KCND2: variants seen among roughly 807,000 people sequenced by gnomAD.
The protein encoded by KCND2 is potassium voltage-gated channel subfamily D member 2, also known as A-type voltage-gated potassium channel KCND2.
In KCND2, 16 loss-of-function variants were observed where a neutral mutation model predicts 54.4. The ratio of observed to expected loss-of-function variants is 0.29; its 90% CI spans 0.20 to 0.45. KCND2 has a LOEUF of 0.45. KCND2 is among the 20% of genes least tolerant of loss of function. The pLI is 1.00. For missense variants in KCND2, 486 were observed against 824.2 expected (o/e 0.59, Z 5.02); for synonymous variants, 317 against 310.7 (o/e 1.02, Z -0.21).
intron 1 of KCND2, among the ~76,000 whole-genome samples, chr7:120,552,950 C>T (rs1792120074): frequency 6.6e-6 from 1 of 152,168 alleles, no homozygotes. Context: ...TCAACATGCA[C>T]AATGCGATGT....
chr7:120,542,153 C>T (rs557235584), intron 1 of KCND2, among the ~76,000 whole-genome samples: 16 of 152,188 alleles, frequency 1.1e-4, no homozygotes, highest in South Asian at 8.3e-4. Flanking sequence ...AGTTTAAAGG[C>T]AATAAAATTA....
At chr7:120,388,040 T>C (rs1184773353) in intron 1 of KCND2, among the ~76,000 whole-genome samples, 2 of 152,074 alleles carry the variant, frequency 1.3e-5, no homozygotes, top group Non-Finnish European at 2.9e-5. Context: ...TTTAAAGTTC[T>C]GATAGAATAA....
intron 1 of KCND2, among the ~76,000 whole-genome samples, chr7:120,420,402 C>A (rs555046253): frequency 6.6e-5 from 10 of 152,160 alleles, no homozygotes; most frequent in African/African-American, 2.4e-5. Flanking sequence ...AGGTGCTCAA[C>A]AATTATTTGC....
chr7:120,690,594 C>T (rs1246416011), intron 1 of KCND2, among the ~76,000 whole-genome samples: 1 of 152,102 alleles, frequency 6.6e-6, no homozygotes, highest in African/African-American at 2.4e-5. Context: ...GGGCAGGACA[C>T]TGGAACAGAT....
rs569533132 is a variant in KCND2 at position 120,746,235 on chromosome 7, A to C, written c.1715+208A>C. Among the ~76,000 whole-genome samples, 7 of 152,318 alleles carry C rather than the reference A, an allele frequency of 4.6e-5. No individual in the cohort carries two copies. In the South Asian group the frequency reaches 1.2e-3, roughly 27 times the overall value. Reference sequence around the variant, plus strand: ...ATAGTGGTTATATCAGTATTAAAAGAGTCGAAAGAAGAAGAGATGATTGAG... The same window carrying C: ...ATAGTGGTTATATCAGTATTAAAAGCGTCGAAAGAAGAAGAGATGATTGAG... On this transcript the variant is annotated intron_variant, in intron 5 of 5. Transcript: ENST00000331113.
At chr7:120,294,123 G>A (rs1400222845) in intron 1 of KCND2, among the ~76,000 whole-genome samples, 2 of 151,944 alleles carry the variant, frequency 1.3e-5, no homozygotes, top group African/African-American at 4.8e-5. Context: ...TTAGTGAAAA[G>A]GTGGGTAGAT....
intron 1 of KCND2, among the ~76,000 whole-genome samples, chr7:120,469,827 A>G (rs567096778): frequency 6.6e-6 from 1 of 152,154 alleles, no homozygotes; most frequent in Non-Finnish European, 1.5e-5. Flanking sequence ...TAACTGCATG[A>G]TACTAGTGTC....
chr7:120,584,331 G>A (rs1351773177), intron 1 of KCND2, among the ~76,000 whole-genome samples: 5 of 152,134 alleles, frequency 3.3e-5, no homozygotes, highest in Non-Finnish European at 7.4e-5. Context: ...ATCATTTCTA[G>A]TCTCACATTC....
At chr7:120,560,272 A>G (rs774489858) in intron 1 of KCND2, among the ~76,000 whole-genome samples, 2 of 152,216 alleles carry the variant, frequency 1.3e-5, no homozygotes, top group Non-Finnish European at 1.5e-5. Context: ...AGCTTGCTGT[A>G]TATTAATCAG....
intron 1 of KCND2, among the ~76,000 whole-genome samples, chr7:120,437,650 A>G (rs1290456267): frequency 6.6e-6 from 1 of 152,204 alleles, no homozygotes; most frequent in Admixed American, 6.5e-5. Flanking sequence ...AAAATTAATT[A>G]AACCTATGCT....
intron 1 of KCND2, among the ~76,000 whole-genome samples, chr7:120,488,916 A>T (rs1207513322): frequency 6.6e-6 from 1 of 152,128 alleles, no homozygotes; most frequent in Non-Finnish European, 1.5e-5. Context: ...ATATTCAATG[A>T]GTTTCTCCAA....
intron 1 of KCND2, among the ~76,000 whole-genome samples, chr7:120,339,215 T>C (rs1800202106): frequency 6.6e-6 from 1 of 152,034 alleles, no homozygotes; most frequent in African/African-American, 2.4e-5. Context: ...TTAATAGCTG[T>C]GTAATCTTAG....
At chr7:120,287,594 C>A (rs1275549243) in intron 1 of KCND2, among the ~76,000 whole-genome samples, 2 of 152,080 alleles carry the variant, frequency 1.3e-5, no homozygotes, top group African/African-American at 2.4e-5. Context: ...TGTGGTGGCT[C>A]ACACCTAAAA....
At chr7:120,494,708 T>C (rs1044649306) in intron 1 of KCND2, among the ~76,000 whole-genome samples, 2 of 152,242 alleles carry the variant, frequency 1.3e-5, no homozygotes, top group Non-Finnish European at 2.9e-5. Context: ...TCTAATGCAA[T>C]TCAAATTCTA....
At position 120,647,193 on chromosome 7, in the gene KCND2, G is replaced by A. The variant is rs951965067; in HGVS notation, c.1116-85710G>A. Among the ~76,000 whole-genome samples, 3 of 152,030 alleles carry A rather than the reference G, an allele frequency of 2.0e-5. No homozygotes were observed. The East Asian group carries it at 5.8e-4, about 29-fold the overall frequency. On this transcript the variant is annotated intron_variant, in intron 1 of 5. Transcript: ENST00000331113. ...TGATCGAATGTATTTGAATTCAAAGGTCTATGATTATAATATGCCTTAAGT... is the reference window on the plus strand; with the variant it reads ...TGATCGAATGTATTTGAATTCAAAGATCTATGATTATAATATGCCTTAAGT...
At chr7:120,388,909 C>T (rs901825849) in intron 1 of KCND2, among the ~76,000 whole-genome samples, 9 of 149,774 alleles carry the variant, frequency 6.0e-5, no homozygotes, top group Non-Finnish European at 1.0e-4. Flanking sequence ...TATATATACA[C>T]ACACATACAT....
At chr7:120,276,061 CAA>C (rs1482181283) in intron 1 of KCND2, among the ~76,000 whole-genome samples, 2 of 151,984 alleles carry the variant, frequency 1.3e-5, no homozygotes, top group Admixed American at 6.5e-5. Context: ...CAATGAAAAA[CAA>C]AATCTATGCC....
At chr7:120,650,459 G>A (rs1448301408) in intron 1 of KCND2, among the ~76,000 whole-genome samples, 6 of 137,986 alleles carry the variant, frequency 4.3e-5, no homozygotes, top group Admixed American at 3.5e-4. Flanking sequence ...ATGGTTTTCA[G>A]CTCCATCAGG....
At chr7:120,687,514 A>G (rs186613624) in intron 1 of KCND2, among the ~76,000 whole-genome samples, 85 of 152,162 alleles carry the variant, frequency 5.6e-4, no homozygotes, top group Non-Finnish European at 1.0e-3. Flanking sequence ...GTGCTCACAT[A>G]TTTCAAAACA....
Sources: gnomAD v4.1 joint callset for allele counts (sites outside exome capture counted in the v4.1 genomes callset) on GRCh38, gnomAD v4.1.1 for gene constraint, MANE v1.5 for transcripts, NCBI Gene and HGNC (gene_info 2026-07-23, HGNC 2026-07-21) for gene names.